CORO2B: variants seen among roughly 807,000 people sequenced by gnomAD.
CORO2B encodes coronin-2B.
CORO2B carries 26 observed loss-of-function variants against 58.8 expected under a neutral mutation model. The observed-to-expected ratio is 0.44, with a 90% CI of 0.32 to 0.61. The LOEUF (loss-of-function observed/expected upper bound fraction) is 0.61. Ranked by LOEUF, CORO2B falls within the 20% of genes least tolerant of loss-of-function variation. The pLI, the probability that CORO2B is intolerant of heterozygous loss-of-function variation, is 0.04. For synonymous variants in CORO2B, 242 were observed against 253.8 expected (o/e 0.95, Z 0.44); for missense variants, 460 against 645.1 (o/e 0.71, Z 3.11).
chr15:68,582,323 G>A (rs1190850610), intron 1 of CORO2B, among the ~76,000 whole-genome samples: 1 of 152,198 alleles, frequency 6.6e-6, no homozygotes, highest in African/African-American at 2.4e-5. Flanking sequence ...AGAAAGAGAA[G>A]AAAGCCAGAA....
At chr15:68,637,553 C>A (rs1324923457) in intron 1 of CORO2B, among the ~76,000 whole-genome samples, 3 of 152,220 alleles carry the variant, frequency 2.0e-5, no homozygotes, top group Admixed American at 2.0e-4. Flanking sequence ...TTGATACCCA[C>A]ATATCACAGA....
chr15:68,650,537 G>A (rs1901609740), intron 2 of CORO2B, among the ~76,000 whole-genome samples: 1 of 152,146 alleles, frequency 6.6e-6, no homozygotes, highest in Non-Finnish European at 1.5e-5. Context: ...GCTTAAACCT[G>A]GGAGCCGGAA....
intron 1 of CORO2B, chr15:68,641,441 G>GA (rs1424009543): frequency 2.6e-6 from 2 of 779,208 alleles, no homozygotes; most frequent in Middle Eastern, 6.4e-4. Flanking sequence ...GGATTTGGGG[G>GA]AGAGAGGAAA....
At chr15:68,615,850 G>A (rs2140248137) in intron 1 of CORO2B, among the ~76,000 whole-genome samples, 1 of 152,244 alleles carries the variant, frequency 6.6e-6, no homozygotes, top group East Asian at 1.9e-4. Flanking sequence ...CTCAGTTTAT[G>A]GTATTTTGCT....
chr15:68,545,612 C>CGGGGGGGGGG, the CORO2B span, among the ~76,000 whole-genome samples: 1 of 53,268 alleles, frequency 1.9e-5, no homozygotes, highest in African/African-American at 6.9e-5. Context: ...ATGCGGGGGG[C>CGGGGGGGGGG]GGGGGGGGTA....
intron 2 of CORO2B, among the ~76,000 whole-genome samples, chr15:68,656,345 A>G (rs550529571): frequency 3.6e-4 from 55 of 151,990 alleles, no homozygotes; most frequent in African/African-American, 1.3e-3. Flanking sequence ...CATTCCACTC[A>G]GCCAAGACCT....
chr15:68,715,238 C>G lies in CORO2B; in HGVS notation c.894C>G (p.Tyr298Ter). 6.2e-7 allele frequency: 1 copy of G among 1,614,036 alleles called. No homozygotes were observed. The highest frequency in any genetic ancestry group is 8.5e-7 in the Non-Finnish European group (1 of 1,179,950). The change falls in exon 8 of 12, where the codon TAC becomes TAG. Residue 298 changes from tyrosine to a stop codon, truncating the protein, a stop_gained. Transcript: ENST00000261861. LOFTEE classifies it high-confidence loss of function. Reference sequence around the variant, plus strand: ...AGGGTGATGGAAACATCCGGTACTACGAGATCAGCACTGAGAAGCCCTACC... The same window carrying G: ...AGGGTGATGGAAACATCCGGTACTAGGAGATCAGCACTGAGAAGCCCTACC... ...AGKGDGNIRY[Y>*]EISTEKPYLS... is the part of the protein sequence containing the mutation.
chr15:68,579,322 C>A lies in CORO2B; in HGVS notation c.15+45C>A. On this transcript the variant is annotated intron_variant, in intron 1 of 11. Coordinates refer to ENST00000261861, the MANE Select transcript of CORO2B (RefSeq NM_006091.5). The stretch of plus-strand genomic sequence containing the variant: ...CGCGCCCGGGACCCGCCGGCGCCTG[C>A]ATCCCCCGGGCTAGGCTGCGGGGGG... 2.4e-6 allele frequency: 3 copies of A among 1,271,634 alleles called. No individual in the cohort carries two copies. The South Asian group carries it at 7.7e-5, about 32-fold the overall frequency. The allele number at this position is 1,271,634 out of a possible 1,614,324, so 78.8% of individuals were successfully genotyped here.
chr15:68,638,665 C>G (rs1289548752), intron 1 of CORO2B, among the ~76,000 whole-genome samples: 1 of 152,216 alleles, frequency 6.6e-6, no homozygotes, highest in Non-Finnish European at 1.5e-5. Flanking sequence ...GAGCAGTAGA[C>G]TAAGAGTCAG....
intron 1 of CORO2B, among the ~76,000 whole-genome samples, chr15:68,637,456 C>T (rs187116584): frequency 1.1e-4 from 16 of 152,322 alleles, no homozygotes; most frequent in African/African-American, 3.4e-4. Context: ...CAGTTGATAA[C>T]GGTGTCTTTC....
chr15:68,576,152 C>CAAAAAAAAAAA (rs3985627), upstream of CORO2B, among the ~76,000 whole-genome samples: 36 of 62,158 alleles, frequency 5.8e-4, no homozygotes, highest in South Asian at 2.3e-3. Context: ...GACTACGTCG[C>CAAAAAAAAAAA]AAAAAAAAAA....
chr15:68,626,254 C>T (rs1246122273), intron 1 of CORO2B, among the ~76,000 whole-genome samples: 1 of 152,162 alleles, frequency 6.6e-6, no homozygotes, highest in African/African-American at 2.4e-5. Flanking sequence ...GTAATTGGAG[C>T]ATCCCCCTCC....
At chr15:68,692,637 T>TTTG (rs1892408383) in intron 2 of CORO2B, among the ~76,000 whole-genome samples, 1 of 150,016 alleles carries the variant, frequency 6.7e-6, no homozygotes, top group Non-Finnish European at 1.5e-5. Flanking sequence ...CTTTCCTTTT[T>TTTG]TTTTTGTTTT....
Position 68,666,787 on chromosome 15 carries a change from A to G in CORO2B, c.216+21427A>G, listed in dbSNP as rs373434126. Among the ~76,000 whole-genome samples, 5 of 152,046 alleles carry G rather than the reference A, an allele frequency of 3.3e-5. No homozygotes were observed. In the South Asian group the frequency reaches 8.3e-4, roughly 25 times the overall value. ...CTTGATGTTGTCCTTTCTTATCTAC[A>G]CTATTGCAATCACTGCACTGAGTCC... On this transcript the variant is annotated intron_variant, in intron 2 of 11. Transcript: ENST00000261861.
chr15:68,724,944 G>C (rs967408455), intron 11 of CORO2B, among the ~76,000 whole-genome samples: 1 of 152,130 alleles, frequency 6.6e-6, no homozygotes, highest in South Asian at 2.1e-4. Context: ...AGCTGTACAT[G>C]AATCCCTGAC....
intron 1 of CORO2B, among the ~76,000 whole-genome samples, chr15:68,587,629 A>G (rs1403007288): frequency 6.6e-6 from 1 of 152,222 alleles, no homozygotes; most frequent in Admixed American, 6.5e-5. Context: ...GACAATAACA[A>G]TAACAATAAT....
chr15:68,662,022 A>T (rs144974604), intron 2 of CORO2B, among the ~76,000 whole-genome samples: 8,141 of 147,750 alleles, frequency 0.055, 250 homozygotes, highest in East Asian at 0.1. Context: ...ATAAATAAAT[A>T]AATAAATTAA....
chr15:68,628,817 C>G, intron 1 of CORO2B, among the ~76,000 whole-genome samples: 1 of 152,204 alleles, frequency 6.6e-6, no homozygotes, highest in East Asian at 1.9e-4. Context: ...TCCATTCATT[C>G]CCTGAGGCTA....
chr15:68,616,586 A>G (rs1900364496), intron 1 of CORO2B: 2 of 985,470 alleles, frequency 2.0e-6, no homozygotes, highest in Non-Finnish European at 2.4e-6. Context: ...CAAGTCTTCC[A>G]GGCCGCGGTC....
Sources: gnomAD v4.1 joint callset for allele counts (sites outside exome capture counted in the v4.1 genomes callset) on GRCh38, gnomAD v4.1.1 for gene constraint, MANE v1.5 for transcripts, NCBI Gene and HGNC (gene_info 2026-07-23, HGNC 2026-07-21) for gene names.